LHCGR: variants seen among roughly 807,000 people sequenced by gnomAD.
LHCGR encodes lutropin-choriogonadotropic hormone receptor.
LHCGR carries 55 observed loss-of-function variants against 60.7 expected under a neutral mutation model. That is an observed-to-expected ratio of 0.91 (90% CI 0.73 to 1.13). The LOEUF is 1.13. LHCGR is among the 50% of genes most tolerant of loss of function. LHCGR has a pLI of 0.00. For synonymous variants in LHCGR, 337 were observed against 316.5 expected (o/e 1.06, Z -0.69); for missense variants, 862 against 836.0 (o/e 1.03, Z -0.38).
rs973865998 is a variant in LHCGR, at chr2:48,698,555, T to C, written c.866+60A>G. Reference sequence around the variant, plus strand: ...AGTGGAGCTGTCTACTCATTGACTATTTTGAAATCTGAATTTCTGCCACAG... The same window carrying C: ...AGTGGAGCTGTCTACTCATTGACTACTTTGAAATCTGAATTTCTGCCACAG... On this transcript the variant is annotated intron_variant, in intron 9 of 10. Transcript: ENST00000294954. The C allele has an allele frequency of 7.7e-6, 11 of 1,435,966 alleles. No homozygotes were observed. In the African/African-American group the frequency reaches 1.1e-4, roughly 15 times the overall value. 89.0% of individuals were successfully genotyped at this position (1,435,966 alleles called of 1,614,324 possible).
chr2:48,725,608 C>G, intron 4 of LHCGR, 68 bp downstream of exon 4: 1 of 1,096,102 alleles, frequency 9.1e-7, no homozygotes, highest in Admixed American at 1.7e-5. Context: ...CCAACCTTTT[C>G]CTTGTTTTGA....
rs1679916652 is a variant in LHCGR, at chr2:48,686,832, A to C, written c.*865T>G. 1 of 152,176 alleles carries C rather than the reference A, an allele frequency of 6.6e-6. No homozygotes were observed. The highest frequency in any genetic ancestry group is 6.6e-5 in the Admixed American group (1 of 15,262). 9.4% of individuals were successfully genotyped at this position (152,176 alleles called of 1,614,324 possible). A position where few individuals can be genotyped will look rare whatever the true frequency, so the allele number is the denominator to read the frequency against. ...CAAATAAAAATATAAGCTCTAGAAA[A>C]AATTGTTTTCATTATATGTTTCATA... On this transcript the variant is annotated 3_prime_UTR_variant, in exon 11 of 11. Coordinates refer to ENST00000294954, the MANE Select transcript of LHCGR (RefSeq NM_000233.4).
chr2:48,695,432 G>A (rs1667067313), intron 9 of LHCGR, among the ~76,000 whole-genome samples: 1 of 152,098 alleles, frequency 6.6e-6, no homozygotes, highest in Non-Finnish European at 1.5e-5. Context: ...CTGAGAAAAG[G>A]GAATTCTCAT....
chr2:48,696,623 G>A (rs1172129102), intron 9 of LHCGR, among the ~76,000 whole-genome samples: 1 of 151,980 alleles, frequency 6.6e-6, no homozygotes, highest in Non-Finnish European at 1.5e-5. Flanking sequence ...CCTCCTCCCT[G>A]CCCCCGCCAA....
intron 4 of LHCGR, 31 bp downstream of exon 4, chr2:48,725,645 C>T: frequency 6.7e-7 from 1 of 1,498,806 alleles, no homozygotes; most frequent in Non-Finnish European, 9.3e-7. Context: ...ATCTTCCCCT[C>T]CCCAATTGCT....
chr2:48,741,095 T>C (rs909840250), intron 1 of LHCGR, among the ~76,000 whole-genome samples: 1 of 151,896 alleles, frequency 6.6e-6, no homozygotes, highest in African/African-American at 2.4e-5. Flanking sequence ...GTATCAGCGA[T>C]GGAAGATGAA....
intron 4 of LHCGR, among the ~76,000 whole-genome samples, chr2:48,725,037 T>C (rs1668658363): frequency 6.6e-6 from 1 of 152,188 alleles, no homozygotes; most frequent in South Asian, 2.1e-4. Flanking sequence ...ACTTGATATG[T>C]GAAAAGATCC....
At chr2:48,736,919 G>T (rs768553482) in intron 1 of LHCGR, among the ~76,000 whole-genome samples, 31 of 152,162 alleles carry the variant, frequency 2.0e-4, no homozygotes, top group Non-Finnish European at 3.1e-4. Flanking sequence ...TTAAGGACAG[G>T]TATTGCATAA....
At chr2:48,748,832 A>G (rs1342503170) in intron 1 of LHCGR, among the ~76,000 whole-genome samples, 3 of 152,168 alleles carry the variant, frequency 2.0e-5, no homozygotes, top group Non-Finnish European at 4.4e-5. Flanking sequence ...AAGAGATTTC[A>G]TCATTGAGCC....
intron 2 of LHCGR, 34 bp from the exon 3 acceptor site, chr2:48,729,261 A>T (rs747461831): frequency 6.7e-7 from 1 of 1,487,422 alleles, no homozygotes; most frequent in African/African-American, 1.4e-5. Flanking sequence ...AAGAGAAAGA[A>T]ACATGAAAGA....
At chr2:48,733,627 T>C (rs1471087654) in intron 1 of LHCGR, among the ~76,000 whole-genome samples, 2 of 151,890 alleles carry the variant, frequency 1.3e-5, no homozygotes, top group South Asian at 2.1e-4. Context: ...CAAGAAAGAG[T>C]CCTGGGGGCC....
At chr2:48,751,422 G>A (rs1463577300) in intron 1 of LHCGR, among the ~76,000 whole-genome samples, 1 of 152,084 alleles carries the variant, frequency 6.6e-6, no homozygotes, top group Non-Finnish European at 1.5e-5. Context: ...CTTCCACCAG[G>A]ACCCCTCTTT....
intron 2 of LHCGR, among the ~76,000 whole-genome samples, chr2:48,730,170 A>C (rs1486163808): frequency 6.6e-6 from 1 of 152,232 alleles, no homozygotes; most frequent in African/African-American, 2.4e-5. Flanking sequence ...GGCAGAGCCT[A>C]AGGTAGCTAA....
At chr2:48,750,263 G>A (rs1340885820) in intron 1 of LHCGR, among the ~76,000 whole-genome samples, 4 of 152,166 alleles carry the variant, frequency 2.6e-5, no homozygotes, top group Non-Finnish European at 5.9e-5. Context: ...TACACCAGGA[G>A]GCCATCTGTC....
chr2:48,699,678 T>TA (rs1667315734), intron 8 of LHCGR, among the ~76,000 whole-genome samples: 1 of 152,256 alleles, frequency 6.6e-6, no homozygotes, highest in Admixed American at 6.5e-5. Flanking sequence ...GCATGTTCTC[T>TA]AATGCATTCT....
At chr2:48,714,206 A>G (rs1558847476) in intron 6 of LHCGR, 152 bp from the exon 7 acceptor site, 4 of 687,704 alleles carry the variant, frequency 5.8e-6, no homozygotes, top group Non-Finnish European at 1.1e-5. Context: ...TCAATTTATT[A>G]AGTGTCTATT....
intron 1 of LHCGR, among the ~76,000 whole-genome samples, chr2:48,732,400 A>G (rs546744371): frequency 2.0e-5 from 3 of 152,186 alleles, no homozygotes; most frequent in Non-Finnish European, 4.4e-5. Context: ...CACCTCCATG[A>G]TGGGCAGATG....
intron 3 of LHCGR, among the ~76,000 whole-genome samples, chr2:48,728,323 A>G (rs1370684824): frequency 6.6e-6 from 1 of 152,154 alleles, no homozygotes; most frequent in Non-Finnish European, 1.5e-5. Flanking sequence ...ATGACACAAC[A>G]TAGAAGAAAT....
At chr2:48,738,256 A>G (rs1304322754) in intron 1 of LHCGR, among the ~76,000 whole-genome samples, 2 of 152,112 alleles carry the variant, frequency 1.3e-5, no homozygotes, top group Non-Finnish European at 2.9e-5. Context: ...TTATTTGAGA[A>G]TTTACCAGAT....
Sources: gnomAD v4.1 joint callset for allele counts (sites outside exome capture counted in the v4.1 genomes callset) on GRCh38, gnomAD v4.1.1 for gene constraint, MANE v1.5 for transcripts, NCBI Gene and HGNC (gene_info 2026-07-23, HGNC 2026-07-21) for gene names.